ABL1: variants seen among roughly 807,000 people sequenced by gnomAD.
ABL1 encodes the protein ABL proto-oncogene 1, non-receptor tyrosine kinase.
Under a neutral mutation model 94.7 loss-of-function variants are expected in ABL1, and 11 were observed. The observed-to-expected ratio is 0.12, with a 90% CI of 0.07 to 0.19. The LOEUF is 0.19. Among genes scored for constraint, ABL1 ranks in the 10% least tolerant of loss-of-function variants. The probability of loss-of-function intolerance (pLI) is 1.00; values close to 1 mark genes in which losing one functional copy is unlikely to be tolerated. For synonymous variants in ABL1, 656 were observed against 622.4 expected (o/e 1.05, Z -0.80); for missense variants, 1,082 against 1,489.4 (o/e 0.73, Z 4.50).
chr9:130,827,042 C>A (rs1395980907), intron 1 of ABL1, among the ~76,000 whole-genome samples: 1 of 152,014 alleles, frequency 6.6e-6, no homozygotes, highest in Non-Finnish European at 1.5e-5. Context: ...GGCGCCACTG[C>A]ACTCCAGCCT....
At position 130,760,971 on chromosome 9, in the gene ABL1, G is replaced by T. The variant is rs759280989; in HGVS notation, c.136+46516G>T. Among the ~76,000 whole-genome samples, 24 of 97,770 alleles carry T rather than the reference G, an allele frequency of 2.5e-4. 1 individual carries two copies. The highest frequency in any genetic ancestry group is 4.6e-4 in the Non-Finnish European group (24 of 51,826). 64.1% of individuals were successfully genotyped at this position (97,770 alleles called of 152,430 possible). A position where few individuals can be genotyped will look rare whatever the true frequency, so the allele number is the denominator to read the frequency against. ...TTTTTTTTTTTTTTTTTTTTGAGACGGAGTCTCGCTCTTTCGCCCAGGCTG... is the reference window on the plus strand; with the variant it reads ...TTTTTTTTTTTTTTTTTTTTGAGACTGAGTCTCGCTCTTTCGCCCAGGCTG... On this transcript the variant is annotated intron_variant, in intron 1 of 10. Coordinates refer to the ABL1 transcript ENST00000372348.
chr9:130,795,665 T>A (rs1390643573), intron 1 of ABL1, among the ~76,000 whole-genome samples: 1 of 152,212 alleles, frequency 6.6e-6, no homozygotes, highest in Non-Finnish European at 1.5e-5. Context: ...TATTTTTCAC[T>A]TTGTAAACAT....
intron 1 of ABL1, among the ~76,000 whole-genome samples, chr9:130,735,934 C>CATATATATATAT (rs71389344): frequency 8.7e-5 from 7 of 80,232 alleles, no homozygotes; most frequent in African/African-American, 3.8e-4. Context: ...CATGTGTGTG[C>CATATATATATAT]ATATATATAT....
At chr9:130,836,281 C>T (rs1438720837) in intron 1 of ABL1, among the ~76,000 whole-genome samples, 1 of 152,144 alleles carries the variant, frequency 6.6e-6, no homozygotes, top group Non-Finnish European at 1.5e-5. Context: ...TTCTTTCTAC[C>T]TACTCTCCTT....
intron 8 of ABL1, 139 bp downstream of exon 8, chr9:130,878,706 C>G (rs1287651969): frequency 9.7e-7 from 1 of 1,032,042 alleles, no homozygotes; most frequent in Non-Finnish European, 1.4e-6. Context: ...CTAATGTAGC[C>G]ATTTGCTACC....
chr9:130,868,933 C>T (rs371855549), intron 4 of ABL1, among the ~76,000 whole-genome samples: 2 of 151,922 alleles, frequency 1.3e-5, no homozygotes, highest in African/African-American at 2.4e-5. Context: ...TCTGGGAGGC[C>T]GAGGAGGGCA....
In ABL1 at chr9:130,810,374, T is replaced by TA. The variant is rs1334546026; in HGVS notation, c.137-43688dup. Among the ~76,000 whole-genome samples, 5 of 152,208 alleles carry TA rather than the reference T, an allele frequency of 3.3e-5. No individual in the cohort carries two copies. In the East Asian group the frequency reaches 9.6e-4, roughly 29 times the overall value. Reference sequence around the variant, plus strand: ...AGCTGGGTGTGGTAGCGTGCACCTATAATCCCAACTATACGGGAGGCTGAG... The same window carrying TA: ...AGCTGGGTGTGGTAGCGTGCACCTATAAATCCCAACTATACGGGAGGCTGAG... On this transcript the variant is annotated intron_variant, in intron 1 of 10. Coordinates refer to the ABL1 transcript ENST00000372348.
In ABL1 at chr9:130,714,421, T is replaced by C. The variant is rs1315494000; in HGVS notation, c.102T>C (p.His34=). ...CAGGGAAGAAGGAATCATCGAGGCA[T>C]GGGGGTCCACACTGCAATGTTTTTG... Residue 34 remains histidine (H), a synonymous_variant, in exon 1 of 11, where the codon CAT becomes CAC. Coordinates refer to the ABL1 transcript ENST00000372348. 4 of 1,614,016 alleles carry C rather than the reference T, an allele frequency of 2.5e-6. 1 individual carries two copies.
At chr9:130,855,238 C>G in intron 3 of ABL1, 142 bp downstream of exon 3, 1 of 932,794 alleles carries the variant, frequency 1.1e-6, no homozygotes, top group South Asian at 1.7e-5. Flanking sequence ...ATTCCATTAG[C>G]CTTATGAAGA....
At chr9:130,739,026 C>T (rs141471642) in intron 1 of ABL1, among the ~76,000 whole-genome samples, 17 of 152,202 alleles carry the variant, frequency 1.1e-4, no homozygotes, top group African/African-American at 3.4e-4. Context: ...GGGAGCCACC[C>T]GCTACAGGCG....
Position 130,845,448 on chromosome 9 carries a change from A to G in ABL1, c.80-8616A>G, listed in dbSNP as rs557114161. ...CCTCCACCTTCCGGGTTCAAGCGAA[A>G]CCCCTGCCTCAGCCTCCCGAGTAGC... On this transcript the variant is annotated intron_variant, in intron 1 of 10. Coordinates refer to ENST00000318560, the MANE Select transcript of ABL1 (RefSeq NM_005157.6). Among the ~76,000 whole-genome samples the G allele has an allele frequency of 9.2e-5, 14 of 151,776 alleles. No individual in the cohort carries two copies. In the South Asian group the frequency reaches 2.3e-3, roughly 25 times the overall value.
chr9:130,825,551 A>C (rs765882797), intron 1 of ABL1, among the ~76,000 whole-genome samples: 10 of 152,218 alleles, frequency 6.6e-5, no homozygotes, highest in Non-Finnish European at 1.0e-4. Context: ...ATAATTTGAC[A>C]GCTTTAGGGT....
chr9:130,783,388 A>C (rs552760181), intron 1 of ABL1, among the ~76,000 whole-genome samples: 193 of 152,332 alleles, frequency 1.3e-3, no homozygotes, highest in African/African-American at 4.5e-3. Flanking sequence ...AGCTTTAGGG[A>C]GTGCATCCTT....
At chr9:130,796,186 T>A (rs1483364038) in intron 1 of ABL1, among the ~76,000 whole-genome samples, 1 of 151,610 alleles carries the variant, frequency 6.6e-6, no homozygotes, top group Non-Finnish European at 1.5e-5. Flanking sequence ...AAAATAATAA[T>A]AAGATAAAAA....
intron 1 of ABL1, among the ~76,000 whole-genome samples, chr9:130,798,010 T>TA (rs1332125007): frequency 6.6e-6 from 1 of 152,212 alleles, no homozygotes; most frequent in Non-Finnish European, 1.5e-5. Flanking sequence ...TCAGAATTGA[T>TA]ACAGCTTCCA....
In ABL1 at chr9:130,852,827, A is replaced by T. The variant is rs190433088; in HGVS notation, c.80-1237A>T. ...AGACAAAACATGGAAGTTTAGTAAC[A>T]GTTTTTTCTATTCTGTAATAATAAT... On this transcript the variant is annotated intron_variant, in intron 1 of 10. Coordinates refer to ENST00000318560, the MANE Select transcript of ABL1 (RefSeq NM_005157.6). Among the ~76,000 whole-genome samples, 439 of 152,360 alleles carry T rather than the reference A, an allele frequency of 2.9e-3. 1 individual carries two copies. Among genetic ancestry groups the T allele is most frequent in the Non-Finnish European group, 5.1e-3 (345 of 68,040 alleles).
At chr9:130,860,168 C>T (rs1212815501) in intron 3 of ABL1, among the ~76,000 whole-genome samples, 3 of 152,162 alleles carry the variant, frequency 2.0e-5, no homozygotes, top group Non-Finnish European at 4.4e-5. Context: ...ACACAGTTCC[C>T]CAACAAGTGC....
In ABL1 at chr9:130,750,227, A is replaced by ATATC. The variant is rs1402983753; in HGVS notation, c.136+35775_136+35776insCTAT. On this transcript the variant is annotated intron_variant, in intron 1 of 10. Coordinates refer to the ABL1 transcript ENST00000372348. ...TATATATATATATATATATATATATATATATATATCCAAGTATAAGTATAT... is the reference window on the plus strand; with the variant it reads ...TATATATATATATATATATATATATATATCTATATATATCCAAGTATAAGTATAT... Among the ~76,000 whole-genome samples, 244 of 132,898 alleles carry ATATC rather than the reference A, an allele frequency of 1.8e-3. 1 individual carries two copies. The highest frequency in any genetic ancestry group is 6.3e-3 in the Admixed American group (84 of 13,238). The allele number at this position is 132,898 out of a possible 152,430, so 87.2% of individuals were successfully genotyped here.
rs918905532 is a variant in ABL1, at chr9:130,814,599, C to A, written c.137-39465C>A. Among the ~76,000 whole-genome samples the A allele has an allele frequency of 2.6e-5, 4 of 152,232 alleles. No individual in the cohort carries two copies. The highest frequency in any genetic ancestry group is 5.9e-5 in the Non-Finnish European group (4 of 68,046). On this transcript the variant is annotated intron_variant, in intron 1 of 10. Coordinates refer to the ABL1 transcript ENST00000372348. The surrounding 1 kb of genome is among the most constrained non-coding windows in gnomAD (Gnocchi z 4.4). ...GTTCACTCAAGAAGTAACCATCTGC[C>A]GGGCGCAGTGGCTTACGCCTGTAAT...
Sources: allele counts gnomAD v4.1 joint callset (sites outside exome capture counted in the v4.1 genomes callset), GRCh38; gene constraint gnomAD v4.1.1; non-coding constraint Gnocchi (gnomAD v3.1); transcripts MANE v1.5; gene names NCBI Gene and HGNC (gene_info 2026-07-23, HGNC 2026-07-21).